The following FANK1 variants were observed in gnomAD, a reference collection of about 807,000 sequenced individuals.
The protein encoded by FANK1 is fibronectin type 3 and ankyrin repeat domains protein 1.
FANK1 carries 44 observed loss-of-function variants against 45.3 expected under a neutral mutation model. The observed-to-expected ratio is 0.97, with a 90% CI of 0.76 to 1.25. The LOEUF is 1.25. Ranked by LOEUF, FANK1 falls within the 50% of genes most tolerant of loss-of-function variation. The probability of loss-of-function intolerance (pLI) is 0.00; values close to 1 mark genes in which losing one functional copy is unlikely to be tolerated. For missense variants in FANK1, 391 were observed against 424.4 expected (o/e 0.92, Z 0.69); for synonymous variants, 149 against 152.5 (o/e 0.98, Z 0.17).
chr10:125,898,240 T>G (rs935875150), intron 1 of FANK1, among the ~76,000 whole-genome samples: 12 of 152,154 alleles, frequency 7.9e-5, no homozygotes, highest in African/African-American at 2.9e-4. Flanking sequence ...TGTTTTCATG[T>G]GTAAACTATA....
intron 2 of FANK1, among the ~76,000 whole-genome samples, chr10:125,988,309 G>A (rs1245675121): frequency 1.3e-5 from 2 of 152,194 alleles, no homozygotes; most frequent in African/African-American, 4.8e-5. Context: ...GTACAAAACA[G>A]TATGCTGGCT....
At chr10:125,913,367 C>G (rs201717062) in intron 1 of FANK1, among the ~76,000 whole-genome samples, 44 of 152,282 alleles carry the variant, frequency 2.9e-4, no homozygotes, top group African/African-American at 1.1e-3. Flanking sequence ...TGCATGACAC[C>G]TAAACCCTTT....
chr10:125,935,497 G>A (rs1024027049), intron 1 of FANK1, among the ~76,000 whole-genome samples: 1 of 152,156 alleles, frequency 6.6e-6, no homozygotes, highest in African/African-American at 2.4e-5. Context: ...CTAAAGTCTT[G>A]TTGGGAACTT....
chr10:125,956,203 G>GGC (rs942434523), intron 1 of FANK1, among the ~76,000 whole-genome samples: 6 of 33,284 alleles, frequency 1.8e-4, no homozygotes, highest in East Asian at 9.8e-4. Flanking sequence ...TACATTTTTT[G>GGC]GGGGGGGGGC....
intron 1 of FANK1, chr10:125,979,833 CA>C: frequency 2.1e-6 from 1 of 481,974 alleles, no homozygotes; most frequent in Non-Finnish European, 4.1e-6. Flanking sequence ...TGAAGGATTA[CA>C]GAAGCAAACT....
At chr10:125,904,017 C>T (rs1290706493) in intron 1 of FANK1, among the ~76,000 whole-genome samples, 1 of 152,034 alleles carries the variant, frequency 6.6e-6, no homozygotes, top group Non-Finnish European at 1.5e-5. Context: ...GCTGTGACCA[C>T]ACCTGGCTAA....
At chr10:125,945,369 AGT>A (rs1019995018) in intron 1 of FANK1, among the ~76,000 whole-genome samples, 6 of 152,190 alleles carry the variant, frequency 3.9e-5, no homozygotes, top group African/African-American at 1.4e-4. Flanking sequence ...AGTGCCAGAC[AGT>A]GGGCGCAGGC....
intron 1 of FANK1, among the ~76,000 whole-genome samples, chr10:125,903,493 A>G (rs1314968815): frequency 3.3e-5 from 5 of 152,214 alleles, no homozygotes; most frequent in Non-Finnish European, 7.3e-5. Context: ...TTTCTTGGGA[A>G]GGTGCTCTCA....
At chr10:125,949,917 G>T (rs946095174) in intron 1 of FANK1, among the ~76,000 whole-genome samples, 3 of 142,534 alleles carry the variant, frequency 2.1e-5, no homozygotes, top group Non-Finnish European at 4.6e-5. Context: ...CCAAAAGAGA[G>T]ATATAGATCA....
chr10:125,995,594 A>C, intron 4 of FANK1, 96 bp downstream of exon 4: 1 of 1,204,960 alleles, frequency 8.3e-7, no homozygotes. Flanking sequence ...AAAAATTCCC[A>C]TGGCTTTGAA....
intron 1 of FANK1, among the ~76,000 whole-genome samples, chr10:125,905,085 T>C (rs1416597074): frequency 7.4e-6 from 1 of 135,858 alleles, no homozygotes; most frequent in Non-Finnish European, 1.5e-5. Flanking sequence ...GAGCTGAAAC[T>C]GCGCCACTGC....
At position 126,009,209 on chromosome 10, in the gene FANK1, T is replaced by C. The variant is rs369112351; in HGVS notation, c.928-13T>C. ...TTATAAGCATGTAAAATTTTTGTTGTTTCCTGTTTCAGTTCGGCAAAGGTG... is the reference window on the plus strand; with the variant it reads ...TTATAAGCATGTAAAATTTTTGTTGCTTCCTGTTTCAGTTCGGCAAAGGTG... On this transcript the variant is annotated splice_polypyrimidine_tract_variant and intron_variant, in intron 9 of 10. Transcript: ENST00000368693. 5 of 1,614,242 alleles carry C rather than the reference T, an allele frequency of 3.1e-6. No homozygotes were observed. Among genetic ancestry groups the C allele is most frequent in the African/African-American group, 1.3e-5 (1 of 75,064 alleles).
At chr10:125,999,671 G>GATGTGGCGTGACCT (rs1952612563) in intron 6 of FANK1, among the ~76,000 whole-genome samples, 1 of 152,146 alleles carries the variant, frequency 6.6e-6, no homozygotes, top group African/African-American at 2.4e-5. Flanking sequence ...TCCCTCTGAG[G>GATGTGGCGTGACCT]ATGTGGCGTG....
intron 7 of FANK1, 133 bp downstream of exon 7, chr10:126,005,182 G>A (rs1953089319): frequency 1.0e-6 from 1 of 980,988 alleles, no homozygotes; most frequent in Non-Finnish European, 1.5e-6. Flanking sequence ...GACTTAGCAA[G>A]AAAGCCCCTG....
chr10:125,971,812 C>T (rs185148230), intron 1 of FANK1, among the ~76,000 whole-genome samples: 9 of 152,106 alleles, frequency 5.9e-5, no homozygotes, highest in East Asian at 5.8e-4. Context: ...TTAGTAGAGA[C>T]AGGGTTTCAC....
At position 125,956,513 on chromosome 10, in the gene FANK1, G is replaced by T. The variant is rs1432619300; in HGVS notation, c.14-23648G>T. Among the ~76,000 whole-genome samples, 3 of 152,006 alleles carry T rather than the reference G, an allele frequency of 2.0e-5. No homozygotes were observed. In the East Asian group the frequency reaches 5.8e-4, roughly 29 times the overall value. On this transcript the variant is annotated intron_variant, in intron 1 of 10. Coordinates refer to ENST00000368693, the MANE Select transcript of FANK1 (RefSeq NM_145235.5). ...TTGCTTTCCCACTTCAGATCAAGTT[G>T]GAATTTTTAACTTTTCACCAAAGAT...
intron 6 of FANK1, 167 bp from the exon 7 acceptor site, chr10:126,004,717 A>G: frequency 1.6e-6 from 1 of 627,252 alleles, no homozygotes; most frequent in Non-Finnish European, 2.8e-6. Context: ...TGGATATACC[A>G]CATTTTGTAC....
chr10:125,900,096 C>G (rs1194867427), intron 1 of FANK1, among the ~76,000 whole-genome samples: 1 of 152,286 alleles, frequency 6.6e-6, no homozygotes. Context: ...CTCTTGGCAG[C>G]AAGCAGAGGA....
At chr10:125,957,638 C>T (rs540391024) in intron 1 of FANK1, among the ~76,000 whole-genome samples, 3 of 152,232 alleles carry the variant, frequency 2.0e-5, no homozygotes, top group South Asian at 2.1e-4. Flanking sequence ...AATTCTCATG[C>T]CTCAGCCTCC....
Sources: allele counts gnomAD v4.1 joint callset (sites outside exome capture counted in the v4.1 genomes callset), GRCh38; gene constraint gnomAD v4.1.1; transcripts MANE v1.5; gene names NCBI Gene and HGNC (gene_info 2026-07-23, HGNC 2026-07-21).